Variants in LRP1B observed in about 807,000 individuals in gnomAD.
The protein encoded by LRP1B is LDL receptor related protein 1B, also known as low-density lipoprotein receptor-related protein 1B.
A neutral mutation model predicts 556.6 loss-of-function variants in LRP1B; 217 were observed. The observed-to-expected ratio is 0.39, with a 90% CI of 0.35 to 0.44. The LOEUF (loss-of-function observed/expected upper bound fraction) is 0.44. Ranked by LOEUF, LRP1B falls within the 20% of genes least tolerant of loss-of-function variation. The pLI is 1.00. For missense variants in LRP1B, 5,053 were observed against 5,620.8 expected (o/e 0.90, Z 3.23); for synonymous variants, 2,047 against 1,865.8 (o/e 1.10, Z -2.50).
At chr2:141,760,466 A>G (rs1248302914) in intron 2 of LRP1B, among the ~76,000 whole-genome samples, 1 of 152,216 alleles carries the variant, frequency 6.6e-6, no homozygotes, top group Admixed American at 6.5e-5. Context: ...ATATTTGTTC[A>G]AAATATTTAA....
chr2:140,842,937 G>A (rs1692153743), intron 29 of LRP1B, among the ~76,000 whole-genome samples: 1 of 151,940 alleles, frequency 6.6e-6, no homozygotes, highest in African/African-American at 2.4e-5. Context: ...CTGATATGGG[G>A]CTGAAGAATA....
chr2:141,596,182 T>A (rs907704461), intron 2 of LRP1B, among the ~76,000 whole-genome samples: 7 of 151,994 alleles, frequency 4.6e-5, no homozygotes, highest in Admixed American at 2.6e-4. Flanking sequence ...AGGGTATACA[T>A]CTTTGACTCA....
intron 35 of LRP1B, among the ~76,000 whole-genome samples, chr2:140,748,799 C>G (rs1175411040): frequency 2.2e-4 from 4 of 18,446 alleles, no homozygotes; most frequent in Non-Finnish European, 2.3e-4. Flanking sequence ...ATATTATATA[C>G]ATATTATATA....
intron 23 of LRP1B, among the ~76,000 whole-genome samples, chr2:140,890,405 A>G (rs1693763999): frequency 6.6e-6 from 1 of 152,180 alleles, no homozygotes; most frequent in African/African-American, 2.4e-5. Flanking sequence ...AGTTTATAAA[A>G]TGAAAAGTAA....
At chr2:140,733,805 A>C (rs931808723) in intron 35 of LRP1B, among the ~76,000 whole-genome samples, 1 of 152,212 alleles carries the variant, frequency 6.6e-6, no homozygotes, top group Non-Finnish European at 1.5e-5. Context: ...CAAACTTACT[A>C]TCTGAACACT....
chr2:141,341,064 G>A (rs1313467931), intron 3 of LRP1B, among the ~76,000 whole-genome samples: 2 of 152,122 alleles, frequency 1.3e-5, no homozygotes, highest in East Asian at 3.9e-4. Flanking sequence ...GCAAATATAG[G>A]AAAAAGATAG....
intron 2 of LRP1B, among the ~76,000 whole-genome samples, chr2:141,575,868 G>A (rs140159955): frequency 0.013 from 2,014 of 152,176 alleles, 52 homozygotes; most frequent in African/African-American, 0.046. Context: ...CTGATCATTA[G>A]AGAAATGCAA....
intron 2 of LRP1B, among the ~76,000 whole-genome samples, chr2:141,695,062 A>G (rs971233880): frequency 6.6e-5 from 10 of 152,042 alleles, no homozygotes; most frequent in African/African-American, 2.4e-4. Context: ...ACATTGTGGA[A>G]TGATTGTTCA....
At chr2:141,544,314 T>C (rs1461521828) in intron 2 of LRP1B, among the ~76,000 whole-genome samples, 2 of 23,708 alleles carry the variant, frequency 8.4e-5, no homozygotes, top group Admixed American at 5.5e-4. Flanking sequence ...CTTCTTCTTC[T>C]TCTTCTTCTT....
At chr2:140,325,930 TCAAAATCATA>T in intron 79 of LRP1B, 52 bp from the exon 80 acceptor site, 1 of 1,138,448 alleles carries the variant, frequency 8.8e-7, no homozygotes, top group Non-Finnish European at 1.3e-6. Flanking sequence ...TTGAAATCAT[TCAAAATCATA>T]CTTTTGCTTC....
At position 140,903,239 on chromosome 2, in the gene LRP1B, A is replaced by G; in HGVS notation, c.3521-74T>C. The G allele has an allele frequency of 4.6e-6, 7 of 1,505,844 alleles. No individual in the cohort carries two copies. The South Asian group carries it at 8.6e-5, about 18-fold the overall frequency. 93.3% of individuals were successfully genotyped at this position (1,505,844 alleles called of 1,614,324 possible). ...AGTTAAATACTAATCATTGAACTCAATTCTCTAAGCCTACAATTAGCCAGG... is the reference window on the plus strand; with the variant it reads ...AGTTAAATACTAATCATTGAACTCAGTTCTCTAAGCCTACAATTAGCCAGG... On this transcript the variant is annotated intron_variant, in intron 22 of 90. Coordinates refer to ENST00000389484, the MANE Select transcript of LRP1B (RefSeq NM_018557.3).
At position 141,064,374 on chromosome 2, in the gene LRP1B, A is replaced by T. The variant is rs1574036327; in HGVS notation, c.1014-2101T>A. Among the ~76,000 whole-genome samples, 5 of 152,046 alleles carry T rather than the reference A, an allele frequency of 3.3e-5. No individual in the cohort carries two copies. The Middle Eastern group carries it at 0.017, about 517-fold the overall frequency. The stretch of plus-strand genomic sequence containing the variant: ...TGATGATGAAGGTTTCAGAAAATTT[A>T]AGTTATTCATTCAAGAAATTTTTCA... On this transcript the variant is annotated intron_variant, in intron 7 of 90. Transcript: ENST00000389484.
chr2:140,526,355 A>G lies in LRP1B; in HGVS notation c.7763-5T>C. The G allele has an allele frequency of 6.4e-7, 1 of 1,562,568 alleles. No individual in the cohort carries two copies. Among genetic ancestry groups the G allele is most frequent in the African/African-American group, 1.4e-5 (1 of 73,898 alleles). On this transcript the variant is annotated splice_polypyrimidine_tract_variant and splice_region_variant and intron_variant, in intron 47 of 90. Transcript: ENST00000389484. ...CAACCGTGGCACAGGTTGAAACTAG[A>G]AAAACAGGTACATAAACAAATGCAA... is the stretch of plus-strand genomic sequence containing the variant.
At chr2:141,298,718 G>A (rs181142586) in intron 3 of LRP1B, among the ~76,000 whole-genome samples, 25 of 152,232 alleles carry the variant, frequency 1.6e-4, no homozygotes, top group African/African-American at 5.5e-4. Context: ...ACTTTGGGAG[G>A]CCGAGGTGGG....
chr2:141,087,799 G>C (rs778828325), intron 7 of LRP1B, among the ~76,000 whole-genome samples: 1 of 152,204 alleles, frequency 6.6e-6, no homozygotes, highest in African/African-American at 2.4e-5. Context: ...GAAATGCAGA[G>C]AATGACTGAC....
At chr2:141,102,194 C>T (rs1700478238) in intron 7 of LRP1B, among the ~76,000 whole-genome samples, 2 of 152,044 alleles carry the variant, frequency 1.3e-5, no homozygotes, top group Non-Finnish European at 2.9e-5. Flanking sequence ...GGTAGTAGAA[C>T]CTTATGAATT....
At chr2:140,406,005 G>C (rs1684717386) in intron 66 of LRP1B, among the ~76,000 whole-genome samples, 1 of 152,118 alleles carries the variant, frequency 6.6e-6, no homozygotes, top group Non-Finnish European at 1.5e-5. Flanking sequence ...GAGCAAGTGT[G>C]TTACATCTCA....
chr2:141,975,086 T>C (rs1160485639), intron 1 of LRP1B, among the ~76,000 whole-genome samples: 1 of 152,070 alleles, frequency 6.6e-6, no homozygotes, highest in Non-Finnish European at 1.5e-5. Context: ...TCAGGTGCTA[T>C]ACTCCTCCAC....
intron 2 of LRP1B, among the ~76,000 whole-genome samples, chr2:141,753,273 T>TATATATATATATATATATATATATAC (rs1694191202): frequency 7.7e-6 from 1 of 130,092 alleles, no homozygotes; most frequent in Non-Finnish European, 1.7e-5. Flanking sequence ...CATATATATA[T>TATATATATATATATATATATATATAC]ATATATATAT....
Sources: allele counts gnomAD v4.1 joint callset (sites outside exome capture counted in the v4.1 genomes callset), GRCh38; gene constraint gnomAD v4.1.1; transcripts MANE v1.5; gene names NCBI Gene and HGNC (gene_info 2026-07-23, HGNC 2026-07-21).